The following F8 variants were observed in gnomAD, a reference collection of about 807,000 sequenced individuals.
F8 encodes antihemophilic factor.
A neutral mutation model predicts 140.6 loss-of-function variants in F8; 12 were observed. The observed-to-expected ratio is 0.09, with a 90% CI of 0.05 to 0.14. The LOEUF is 0.14. F8 is among the 10% of genes least tolerant of loss of function. The pLI is 1.00. For synonymous variants in F8, 585 were observed against 614.6 expected (o/e 0.95, Z 0.71); for missense variants, 1,354 against 1,720.7 (o/e 0.79, Z 3.77).
At chrX:154,862,599 AT>A (rs1249909623) in intron 23 of F8, among the ~76,000 whole-genome samples, 2 of 110,401 alleles carry the variant, frequency 1.8e-5, no homozygotes, top group Non-Finnish European at 3.8e-5. Context: ...GTCCATGTGC[AT>A]TTAATGTTTA....
rs782025019 is a variant in F8 at position 154,866,196 on chromosome X, G to A, written c.6430-2969C>T. Among the ~76,000 whole-genome samples the A allele has an allele frequency of 1.3e-3, 150 of 111,768 alleles. 2 individuals are homozygous for A. Among genetic ancestry groups the A allele is most frequent in the African/African-American group, 4.8e-3 (148 of 30,815 alleles). ...AAAAGGGTCACTTGAACAGGAAGAT[G>A]TAATAATTATAAATATATATGTACC... On this transcript the variant is annotated intron_variant, in intron 22 of 25. Coordinates refer to ENST00000360256, the MANE Select transcript of F8 (RefSeq NM_000132.4).
At chrX:154,954,074 A>T (rs1557280976) in intron 11 of F8, 32 bp from the exon 12 acceptor site, 2 of 1,189,921 alleles carry the variant, frequency 1.7e-6, no homozygotes, top group South Asian at 1.8e-5. Flanking sequence ...AGGGGTAAAG[A>T]AATGCTACTG....
chrX:154,858,109 A>G (rs1313441165), intron 25 of F8, among the ~76,000 whole-genome samples: 1 of 112,336 alleles, frequency 8.9e-6, no homozygotes, highest in Non-Finnish European at 1.9e-5. Context: ...ACTGCACTCC[A>G]GCCTGGGCAA....
intron 25 of F8, among the ~76,000 whole-genome samples, chrX:154,848,732 T>TC (rs2072590399): frequency 9.0e-6 from 1 of 111,352 alleles, no homozygotes; most frequent in Non-Finnish European, 1.9e-5. Context: ...CCCTTGTGCT[T>TC]CCCGGGTGAG....
Position 154,904,800 on chromosome X carries a change from C to T in F8, c.5586+11G>A, listed in dbSNP as rs1557276213. On this transcript the variant is annotated intron_variant, in intron 16 of 25. Coordinates refer to ENST00000360256, the MANE Select transcript of F8 (RefSeq NM_000132.4). ...ACCAAAAAGTGGTCAGCACAATAGA[C>T]ACCTGCTTACCAGGTCAACATCAGA... The T allele has an allele frequency of 4.2e-6, 5 of 1,203,152 alleles. No individual in the cohort carries two copies. The South Asian group carries it at 7.0e-5, about 17-fold the overall frequency.
At chrX:154,968,647 G>A (rs1476457096) in intron 7 of F8, among the ~76,000 whole-genome samples, 3 of 111,621 alleles carry the variant, frequency 2.7e-5, no homozygotes, top group South Asian at 7.5e-4. Context: ...AGTTACCATC[G>A]TCCTAATTTG....
rs782410542 is a variant in F8 at position 154,966,439 on chromosome X, C to T, written c.1258G>A (p.Ala420Thr). 5.8e-6 allele frequency: 7 copies of T among 1,209,017 alleles called. No homozygotes were observed. Among genetic ancestry groups the T allele is most frequent in the South Asian group, 1.8e-5 (1 of 56,715 alleles). The stretch of plus-strand genomic sequence containing the variant: ...AAAAGTGCTTACCTGTCATCGGGGG[C>T]GAGGACTAAGGGAGCATAGTCCCAG... ...EDWDYAPLVL[A>T]PDDRSYKSQY... The change falls in exon 8 of 26, where the codon GCC (alanine) becomes ACC (threonine). Residue 420 changes from alanine (A) to threonine (T), a missense_variant. Around this residue, in one of 4 missense-constraint regions of F8, gnomAD observed 252 missense variants for 338.5 expected, o/e 0.74. Coordinates refer to ENST00000360256, the MANE Select transcript of F8 (RefSeq NM_000132.4).
chrX:154,920,438 T>C (rs1356999649), intron 14 of F8, among the ~76,000 whole-genome samples: 1 of 110,896 alleles, frequency 9.0e-6, no homozygotes, highest in African/African-American at 3.3e-5. Context: ...TACACTTTTA[T>C]TCCCTTCCTC....
chrX:154,844,271 C>T (rs1603431100), intron 25 of F8, among the ~76,000 whole-genome samples: 1 of 111,682 alleles, frequency 9.0e-6, no homozygotes, highest in African/African-American at 3.3e-5. Flanking sequence ...CTTGGCAATG[C>T]GGGCTCTTTT....
chrX:155,016,592 T>C (rs1557287051), intron 1 of F8, among the ~76,000 whole-genome samples: 1 of 112,782 alleles, frequency 8.9e-6, no homozygotes, highest in Non-Finnish European at 1.9e-5. Flanking sequence ...AAATACTTTA[T>C]ACAACAACCT....
intron 1 of F8, among the ~76,000 whole-genome samples, chrX:155,005,334 G>T (rs2073670647): frequency 9.1e-6 from 1 of 110,291 alleles, no homozygotes; most frequent in African/African-American, 3.3e-5. Context: ...GTATTCCCTT[G>T]TTCAATGTTG....
chrX:154,852,101 G>A (rs1228998173), intron 25 of F8, among the ~76,000 whole-genome samples: 2 of 111,448 alleles, frequency 1.8e-5, no homozygotes, highest in Non-Finnish European at 3.8e-5. Flanking sequence ...ACAGGGTCTT[G>A]CTCTGACACC....
chrX:155,000,430 C>G (rs1350177269), intron 1 of F8, among the ~76,000 whole-genome samples: 1 of 112,364 alleles, frequency 8.9e-6, no homozygotes, highest in Non-Finnish European at 1.9e-5. Context: ...GCAGCTTTCT[C>G]TATGCCATAA....
intron 11 of F8, among the ~76,000 whole-genome samples, chrX:154,955,199 A>C: frequency 1.6e-5 from 1 of 63,292 alleles, no homozygotes; most frequent in Non-Finnish European, 2.7e-5. Context: ...TTTTTGAGAC[A>C]GGGTGTCGCT....
Position 154,929,451 on chromosome X carries a change from C to T in F8, c.4339G>A (p.Val1447Ile). 8.3e-7 allele frequency: 1 copy of T among 1,211,240 alleles called. No individual in the cohort carries two copies. Among genetic ancestry groups the T allele is most frequent in the Admixed American group, 2.2e-5 (1 of 45,968 alleles). Residue 1447 changes from valine to isoleucine, a missense_variant, in exon 14 of 26, where the codon GTC (valine) becomes ATC (isoleucine). Around this residue, in one of 4 missense-constraint regions of F8, gnomAD observed 658 missense variants for 666.5 expected, o/e 0.99. Transcript: ENST00000360256. ...AASYRKKDSG[V>I]QESSHFLQGA... Reference sequence around the variant, plus strand: ...TGTAAGAAATGACTGCTTTCTTGGACCCCAGAATCTTTCTTTCTATAAGAT... The same window carrying T: ...TGTAAGAAATGACTGCTTTCTTGGATCCCAGAATCTTTCTTTCTATAAGAT...
intron 6 of F8, among the ~76,000 whole-genome samples, chrX:154,976,868 C>T (rs921390013): frequency 2.7e-5 from 3 of 111,512 alleles, no homozygotes; most frequent in African/African-American, 9.8e-5. Context: ...GAGAATTTAA[C>T]CCATTTGTAT....
chrX:155,003,996 C>T lies in F8; in HGVS notation c.144-4396G>A, dbSNP rs1282169587. Among the ~76,000 whole-genome samples the T allele has an allele frequency of 6.0e-5, 6 of 99,317 alleles. No homozygotes were observed. The South Asian group carries it at 1.8e-3, about 30-fold the overall frequency. 86.2% of individuals were successfully genotyped at this position (99,317 alleles called of 115,157 possible). On this transcript the variant is annotated intron_variant, in intron 1 of 25. Transcript: ENST00000360256. ...AAAAAAAAAAAAAGATAGATGCAAA[C>T]GAGCAAACAAATAAAAAAACCCTAC...
intron 3 of F8, among the ~76,000 whole-genome samples, chrX:154,995,959 G>C (rs958103756): frequency 1.8e-5 from 2 of 110,984 alleles, no homozygotes; most frequent in Non-Finnish European, 3.8e-5. Flanking sequence ...GTGGCCATTT[G>C]GGGGTCCCAA....
At chrX:154,983,533 G>T (rs1043035179) in intron 6 of F8, among the ~76,000 whole-genome samples, 2 of 111,292 alleles carry the variant, frequency 1.8e-5, no homozygotes, top group East Asian at 5.6e-4. Flanking sequence ...GTAAACAAAC[G>T]TAAAGATCCA....
Sources: gnomAD v4.1 joint callset for allele counts (sites outside exome capture counted in the v4.1 genomes callset) on GRCh38, gnomAD v4.1.1 for gene constraint, gnomAD v4.1.1 regional missense constraint, MANE v1.5 for transcripts, NCBI Gene and HGNC (gene_info 2026-07-23, HGNC 2026-07-21) for gene names.